NR2C2: variants seen among roughly 807,000 people sequenced by gnomAD.
NR2C2 encodes the protein Nuclear hormone receptor TR4.
NR2C2 carries 6 observed loss-of-function variants against 62.9 expected under a neutral mutation model. That is an observed-to-expected ratio of 0.10 (90% CI 0.05 to 0.19). The LOEUF is 0.19. Among genes scored for constraint, NR2C2 ranks in the 10% least tolerant of loss-of-function variants. The pLI, the probability that NR2C2 is intolerant of heterozygous loss-of-function variation, is 1.00. For synonymous variants in NR2C2, 272 were observed against 273.8 expected (o/e 0.99, Z 0.07); for missense variants, 479 against 762.7 (o/e 0.63, Z 4.38).
In NR2C2 at chr3:15,049,216, TG is replaced by T. The variant is rs1345295484; in HGVS notation, c.*6210del. On this transcript the variant is annotated 3_prime_UTR_variant, in exon 14 of 14. Coordinates refer to ENST00000425241, the MANE Select transcript of NR2C2 (RefSeq NM_001291694.2). ...CTGTTTCAATGTGGCATTATTGTTG[TG>T]GCTTAATACTACTACCTAAATGAGG... 2.0e-5 allele frequency: 3 copies of T among 152,706 alleles called. No homozygotes were observed. The highest frequency in any genetic ancestry group is 7.2e-5 in the African/African-American group (3 of 41,466). 9.5% of individuals were successfully genotyped at this position (152,706 alleles called of 1,614,324 possible).
intron 5 of NR2C2, among the ~76,000 whole-genome samples, chr3:15,022,403 T>TTC (rs2041696885): frequency 7.1e-6 from 1 of 141,148 alleles, no homozygotes; most frequent in Non-Finnish European, 1.5e-5. Flanking sequence ...TCTTTCTTTT[T>TTC]TTTTTTTTTT....
chr3:15,032,447 G>T lies in NR2C2; in HGVS notation c.1179G>T (p.Leu393=), dbSNP rs139690648. The T allele has an allele frequency of 7.1e-5, 114 of 1,614,090 alleles. No homozygotes were observed. Among genetic ancestry groups the T allele is most frequent in the Non-Finnish European group, 9.5e-5 (112 of 1,180,052 alleles). Residue 393 remains leucine, a synonymous_variant, in exon 10 of 14, where the codon CTG becomes CTT. Coordinates refer to ENST00000425241, the MANE Select transcript of NR2C2 (RefSeq NM_001291694.2). The part of the protein sequence containing the change: ...VHYICESASR[L]LFLSMHWARS... ...ACATCTGTGAGTCTGCATCCCGTCTGCTTTTCCTCTCAATGCACTGGGCTC... is the reference window on the plus strand; with the variant it reads ...ACATCTGTGAGTCTGCATCCCGTCTTCTTTTCCTCTCAATGCACTGGGCTC...
At chr3:14,993,673 AT>A (rs60422215) in intron 1 of NR2C2, among the ~76,000 whole-genome samples, 9,413 of 151,678 alleles carry the variant, frequency 0.062, 1,008 homozygotes, top group African/African-American at 0.21. Flanking sequence ...GATCCCAAAC[AT>A]TTTCTGTTTA....
intron 13 of NR2C2, chr3:15,042,487 A>G (rs2042303806): frequency 1.6e-5 from 3 of 184,680 alleles, no homozygotes; most frequent in Non-Finnish European, 3.3e-5. Context: ...GGTTTGTATT[A>G]TCGTTTTTTA....
chr3:15,015,234 A>G (rs903945641), intron 3 of NR2C2, among the ~76,000 whole-genome samples: 2 of 152,228 alleles, frequency 1.3e-5, no homozygotes, highest in African/African-American at 2.4e-5. Flanking sequence ...CCCACCATGT[A>G]TAAATCATTT....
intron 1 of NR2C2, among the ~76,000 whole-genome samples, chr3:14,976,601 CCTTT>C (rs2040212746): frequency 1.2e-5 from 1 of 85,552 alleles, no homozygotes; most frequent in Non-Finnish European, 2.3e-5. Flanking sequence ...TTCCTTCCTT[CCTTT>C]TTTTTTTTTT....
At chr3:15,004,600 TGA>T (rs761746913) in intron 2 of NR2C2, 1 of 1,612,808 alleles carries the variant, frequency 6.2e-7, no homozygotes. Context: ...TTCACATCTT[TGA>T]ACAAAGAGAA....
intron 1 of NR2C2, among the ~76,000 whole-genome samples, chr3:14,951,084 C>G (rs2039343824): frequency 6.6e-6 from 1 of 152,086 alleles, no homozygotes; most frequent in African/African-American, 2.4e-5. Context: ...ATAAATAGCC[C>G]AAACATAACT....
intron 10 of NR2C2, among the ~76,000 whole-genome samples, chr3:15,033,375 C>T (rs888303068): frequency 6.6e-6 from 1 of 152,194 alleles, no homozygotes; most frequent in Non-Finnish European, 1.5e-5. Flanking sequence ...ATCTATAAAG[C>T]TCTTAACCCA....
Position 15,045,954 on chromosome 3 carries a change from T to C in NR2C2, c.*2946T>C, listed in dbSNP as rs938262354. The C allele has an allele frequency of 2.0e-5, 3 of 147,262 alleles. No individual in the cohort carries two copies. The highest frequency in any genetic ancestry group is 7.5e-5 in the African/African-American group (3 of 39,796). The allele number at this position is 147,262 out of a possible 1,614,324, so 9.1% of individuals were successfully genotyped here. A position where few individuals can be genotyped will look rare whatever the true frequency, so the allele number is the denominator to read the frequency against. The stretch of plus-strand genomic sequence containing the variant: ...TTTTCCAGAAGTATCTCAGATAATG[T>C]TGGGTTAAGACAGATAGATGTTGAA... On this transcript the variant is annotated 3_prime_UTR_variant, in exon 14 of 14. Transcript: ENST00000425241.
At chr3:14,977,154 C>G (rs1233515674) in intron 1 of NR2C2, among the ~76,000 whole-genome samples, 1 of 152,008 alleles carries the variant, frequency 6.6e-6, no homozygotes. Context: ...CTCTCGTTTT[C>G]TCTTGTGTTT....
Position 15,028,607 on chromosome 3 carries a change from C to T in NR2C2, c.820C>T (p.Leu274=). ...ATAGGCTGAAACAAGCCAGGGAGCT[C>T]TGGGCACACTGGCAAATGTAGTGAC... ...DSKAETSQGA[L]GTLANVVTSL... Residue 274 remains leucine (L), a synonymous_variant, in exon 8 of 14, where the codon CTG becomes TTG. Transcript: ENST00000425241. The T allele has an allele frequency of 6.2e-7, 1 of 1,613,880 alleles. No homozygotes were observed. The highest frequency in any genetic ancestry group is 8.5e-7 in the Non-Finnish European group (1 of 1,179,820).
In NR2C2 at chr3:15,048,153, T is replaced by C. The variant is rs2042522993; in HGVS notation, c.*5145T>C. On this transcript the variant is annotated 3_prime_UTR_variant, in exon 14 of 14. Transcript: ENST00000425241. ...GTTTTAAAAACACTTTATGAGACCA[T>C]AGTACTCAGTGCCTTTTGTGAGACA... 1 of 152,702 alleles carries C rather than the reference T, an allele frequency of 6.5e-6. No homozygotes were observed. The highest frequency in any genetic ancestry group is 2.1e-4 in the South Asian group (1 of 4,836). 9.5% of individuals were successfully genotyped at this position (152,702 alleles called of 1,614,324 possible).
At chr3:15,002,206 TGTGA>T (rs537416776) in intron 1 of NR2C2, among the ~76,000 whole-genome samples, 188 of 152,364 alleles carry the variant, frequency 1.2e-3, no homozygotes, top group African/African-American at 4.3e-3. Flanking sequence ...ACTGTATAGC[TGTGA>T]GTATTTTATA....
intron 2 of NR2C2, among the ~76,000 whole-genome samples, chr3:15,013,030 A>G (rs764834152): frequency 7.9e-5 from 12 of 152,152 alleles, no homozygotes; most frequent in Non-Finnish European, 1.8e-4. Flanking sequence ...AGTGAATCAG[A>G]TGTAGTCTCT....
In NR2C2 at chr3:15,004,931, AT is replaced by A. The variant is rs535137641; in HGVS notation, c.72+950del. On this transcript the variant is annotated intron_variant, in intron 2 of 13. Transcript: ENST00000425241. Reference sequence around the variant, plus strand: ...TTGCTTGCTTTCTTTTTATTTATTTATTTTTGAGACAGAGTCTTGCTATGTT... The same window carrying A: ...TTGCTTGCTTTCTTTTTATTTATTTATTTTGAGACAGAGTCTTGCTATGTT... Among the ~76,000 whole-genome samples the A allele has an allele frequency of 2.0e-3, 297 of 151,866 alleles. 2 individuals are homozygous for A. Among genetic ancestry groups the A allele is most frequent in the Non-Finnish European group, 2.7e-3 (183 of 67,922 alleles).
At chr3:14,968,806 T>TA (rs1380378743) in intron 1 of NR2C2, among the ~76,000 whole-genome samples, 12 of 139,356 alleles carry the variant, frequency 8.6e-5, no homozygotes, top group African/African-American at 3.4e-4. Flanking sequence ...TATGCAGCCA[T>TA]AAAAAATGAT....
intron 1 of NR2C2, among the ~76,000 whole-genome samples, chr3:14,969,509 G>A (rs377203896): frequency 1.3e-5 from 2 of 152,072 alleles, no homozygotes; most frequent in South Asian, 2.1e-4. Context: ...CCAAAGTGCT[G>A]GGATTACAGG....
At chr3:15,033,431 G>T (rs575953092) in intron 10 of NR2C2, among the ~76,000 whole-genome samples, 1 of 152,286 alleles carries the variant, frequency 6.6e-6, no homozygotes, top group African/African-American at 2.4e-5. Context: ...GTGGTTCTGT[G>T]GGTCAGGTGG....
Sources: gnomAD v4.1 joint callset for allele counts (sites outside exome capture counted in the v4.1 genomes callset) on GRCh38, gnomAD v4.1.1 for gene constraint, MANE v1.5 for transcripts, NCBI Gene and HGNC (gene_info 2026-07-23, HGNC 2026-07-21) for gene names.